CLUAP1: variants seen among roughly 807,000 people sequenced by gnomAD.
CLUAP1 encodes the protein intraflagellar transport 38.
In CLUAP1, 50 loss-of-function variants were observed where a neutral mutation model predicts 55.0. The ratio of observed to expected loss-of-function variants is 0.91; its 90% confidence interval spans 0.72 to 1.15. The LOEUF is 1.15. Ranked by LOEUF, CLUAP1 falls within the 50% of genes most tolerant of loss-of-function variation. The probability of loss-of-function intolerance (pLI) is 0.00; values close to 1 mark genes in which losing one functional copy is unlikely to be tolerated. For missense variants in CLUAP1, 530 were observed against 507.6 expected (o/e 1.04, Z -0.42); for synonymous variants, 195 against 175.4 (o/e 1.11, Z -0.88).
chr16:3,520,057 A>G, intron 7 of CLUAP1, 21 bp downstream of exon 7: 2 of 1,590,066 alleles, frequency 1.3e-6, no homozygotes, highest in Non-Finnish European at 1.7e-6. Flanking sequence ...ACACTTGGAG[A>G]ATGAGTAGAA....
intron 1 of CLUAP1, 134 bp from the exon 2 acceptor site, chr16:3,504,586 G>C: frequency 1.7e-6 from 1 of 599,718 alleles, no homozygotes; most frequent in East Asian, 2.8e-5. Flanking sequence ...GCTTTCCCTT[G>C]TAGAAAGTTG....
intron 5 of CLUAP1, 25 bp downstream of exon 5, chr16:3,512,503 C>T (rs537123661): frequency 5.8e-6 from 9 of 1,546,682 alleles, no homozygotes; most frequent in Middle Eastern, 1.7e-4. Context: ...ACTTCCTTAA[C>T]CATGCAGATT....
rs113498328 is a variant in CLUAP1, at chr16:3,517,147, C to T, written c.579+1556C>T. On this transcript the variant is annotated intron_variant, in intron 6 of 11. Coordinates refer to ENST00000576634, the MANE Select transcript of CLUAP1 (RefSeq NM_015041.3). Reference sequence around the variant, plus strand: ...TTTTTTCTTTTTTTTTTTTTTGAGACGGAGTCTTGCTCTGTTGCCCAGGCT... The same window carrying T: ...TTTTTTCTTTTTTTTTTTTTTGAGATGGAGTCTTGCTCTGTTGCCCAGGCT... Among the ~76,000 whole-genome samples, 395 of 144,812 alleles carry T rather than the reference C, an allele frequency of 2.7e-3. 5 individuals carry two copies. The highest frequency in any genetic ancestry group is 7.3e-3 in the African/African-American group (286 of 39,068).
chr16:3,496,652 C>G (rs962561751), upstream of CLUAP1: 9 of 532,700 alleles, frequency 1.7e-5, no homozygotes, highest in Admixed American at 1.7e-4. Flanking sequence ...ACAGGTGTAC[C>G]GGCATTTCGG....
intron 9 of CLUAP1, among the ~76,000 whole-genome samples, chr16:3,529,465 ATATAT>A (rs533762844): frequency 1.8e-4 from 13 of 73,734 alleles, no homozygotes; most frequent in Non-Finnish European, 2.8e-4. Flanking sequence ...TATATATAAT[ATATAT>A]TATATTATAT....
intron 3 of CLUAP1, among the ~76,000 whole-genome samples, chr16:3,507,431 G>T (rs1183769607): frequency 6.6e-6 from 1 of 151,354 alleles, no homozygotes; most frequent in Non-Finnish European, 1.5e-5. Context: ...CTGGTGACAC[G>T]TGCCTGTAGT....
chr16:3,499,121 A>G (rs1596378104), upstream of CLUAP1, among the ~76,000 whole-genome samples: 1 of 152,284 alleles, frequency 6.6e-6, no homozygotes, highest in East Asian at 1.9e-4. Context: ...ATCTTTAATC[A>G]TCAGGGAAAT....
intron 8 of CLUAP1, among the ~76,000 whole-genome samples, chr16:3,523,804 A>G (rs1000573817): frequency 3.9e-5 from 6 of 152,080 alleles, no homozygotes; most frequent in African/African-American, 9.7e-5. Context: ...TCCTCTCATA[A>G]AAATACAAAA....
chr16:3,503,278 C>G (rs2037442541), intron 1 of CLUAP1, among the ~76,000 whole-genome samples: 1 of 152,146 alleles, frequency 6.6e-6, no homozygotes, highest in Non-Finnish European at 1.5e-5. Context: ...ATTCTCCTGC[C>G]TCAGCCTCCT....
intron 10 of CLUAP1, 135 bp from the exon 11 acceptor site, chr16:3,532,651 C>T (rs1305951288): frequency 3.6e-6 from 3 of 837,116 alleles, no homozygotes; most frequent in East Asian, 2.6e-5. Flanking sequence ...CTCCTGGCCT[C>T]CTGTCTCAGC....
At chr16:3,520,079 A>G in intron 7 of CLUAP1, 43 bp downstream of exon 7, 2 of 1,553,342 alleles carry the variant, frequency 1.3e-6, no homozygotes, top group Non-Finnish European at 1.7e-6. Context: ...GATGTCCTGG[A>G]AAGTTCAAAC....
intron 6 of CLUAP1, among the ~76,000 whole-genome samples, chr16:3,519,209 C>G (rs958587855): frequency 6.6e-6 from 1 of 152,214 alleles, no homozygotes; most frequent in Non-Finnish European, 1.5e-5. Context: ...CCGTGTCCCC[C>G]TTCCCTTCTT....
chr16:3,504,656 T>A (rs2037467976), intron 1 of CLUAP1, 64 bp from the exon 2 acceptor site: 1 of 913,986 alleles, frequency 1.1e-6, no homozygotes, highest in African/African-American at 1.6e-5. Flanking sequence ...AAAGACAATA[T>A]CTAAGTTAAT....
In CLUAP1 at chr16:3,538,327, AAAAC is replaced by A. The variant is rs1255805266; in HGVS notation, c.*2058_*2061del. The A allele has an allele frequency of 1.3e-5, 2 of 151,944 alleles. No homozygotes were observed. Among genetic ancestry groups the A allele is most frequent in the Admixed American group, 1.3e-4 (2 of 15,252 alleles). The allele number at this position is 151,944 out of a possible 1,614,324, so 9.4% of individuals were successfully genotyped here. On this transcript the variant is annotated 3_prime_UTR_variant, in exon 12 of 12. Coordinates refer to ENST00000576634, the MANE Select transcript of CLUAP1 (RefSeq NM_015041.3). ...GTATAAGATTACCCCTAAAAAAAAA[AAAAC>A]AGCCAGTATTCAGTGAATTCACCAG...
chr16:3,514,518 C>T (rs61385949), intron 5 of CLUAP1, among the ~76,000 whole-genome samples: 2 of 152,154 alleles, frequency 1.3e-5, no homozygotes, highest in Non-Finnish European at 2.9e-5. Flanking sequence ...AAGCACAAGA[C>T]GAGTTTTGAC....
Position 3,506,468 on chromosome 16 carries a change from T to C in CLUAP1, c.219+53T>C, listed in dbSNP as rs995085563. The C allele has an allele frequency of 8.8e-6, 12 of 1,368,408 alleles. No individual in the cohort carries two copies. In the African/African-American group the frequency reaches 1.3e-4, roughly 15 times the overall value. 84.8% of individuals were successfully genotyped at this position (1,368,408 alleles called of 1,614,324 possible). On this transcript the variant is annotated intron_variant, in intron 3 of 11. Transcript: ENST00000576634. ...GTAAAATTAAATAAACTAGAAAGGA[T>C]GACTCCTTGTTAGGGCGACTTTCAA...
intron 10 of CLUAP1, among the ~76,000 whole-genome samples, chr16:3,532,099 A>G (rs1246758033): frequency 6.6e-6 from 1 of 151,960 alleles, no homozygotes; most frequent in East Asian, 1.9e-4. Context: ...TCGGCCTCCC[A>G]AAGTGCTGGG....
intron 7 of CLUAP1, among the ~76,000 whole-genome samples, chr16:3,521,822 A>G (rs1264571850): frequency 1.3e-5 from 2 of 151,856 alleles, no homozygotes; most frequent in African/African-American, 4.8e-5. Flanking sequence ...TGAGAGGCCA[A>G]GGCGGGCAGA....
chr16:3,524,624 AAGAG>A (rs1212581048), intron 8 of CLUAP1, among the ~76,000 whole-genome samples: 4 of 151,478 alleles, frequency 2.6e-5, no homozygotes, highest in Non-Finnish European at 5.9e-5. Context: ...AAAAAAAAGA[AAGAG>A]ATTTTCAAGT....
Sources: allele counts gnomAD v4.1 joint callset (sites outside exome capture counted in the v4.1 genomes callset), GRCh38; gene constraint gnomAD v4.1.1; transcripts MANE v1.5; gene names NCBI Gene and HGNC (gene_info 2026-07-23, HGNC 2026-07-21).